DLC1: variants seen among roughly 807,000 people sequenced by gnomAD.
DLC1 encodes the protein rho GTPase-activating protein 7.
DLC1 carries 54 observed loss-of-function variants against 140.3 expected under a neutral mutation model. The ratio of observed to expected loss-of-function variants is 0.38; its 90% CI spans 0.31 to 0.48. The LOEUF (loss-of-function observed/expected upper bound fraction) is 0.48. Ranked by LOEUF, DLC1 falls within the 20% of genes least tolerant of loss-of-function variation. The pLI is 0.96. For missense variants in DLC1, 2,536 were observed against 1,907.0 expected (o/e 1.33, Z -6.14); for synonymous variants, 986 against 728.1 (o/e 1.35, Z -5.70).
chr8:13,478,307 G>C (rs1481697), intron 2 of DLC1, among the ~76,000 whole-genome samples: 110,622 of 151,942 alleles, frequency 0.73, 42,197 homozygotes, highest in Middle Eastern at 0.87. Context: ...TCAGAACTCA[G>C]AAGAACTCAC....
At chr8:13,468,175 A>G (rs974455334) in intron 2 of DLC1, among the ~76,000 whole-genome samples, 3 of 152,220 alleles carry the variant, frequency 2.0e-5, no homozygotes. Flanking sequence ...CCTCAATTCC[A>G]TTTAGCTAAG....
intron 5 of DLC1, among the ~76,000 whole-genome samples, chr8:13,166,193 G>T (rs138989599): frequency 6.6e-6 from 1 of 152,214 alleles, no homozygotes; most frequent in African/African-American, 2.4e-5. Flanking sequence ...CCCTAATGCT[G>T]ATGATTTCCA....
intron 2 of DLC1, among the ~76,000 whole-genome samples, chr8:13,433,891 T>C (rs1198950779): frequency 2.0e-5 from 3 of 152,224 alleles, no homozygotes. Context: ...GTTTCACTCT[T>C]GTTGCCCAGG....
intron 2 of DLC1, among the ~76,000 whole-genome samples, chr8:13,488,474 G>A (rs1192094352): frequency 1.3e-5 from 2 of 152,092 alleles, no homozygotes; most frequent in Admixed American, 6.5e-5. Context: ...CTGAAATTAC[G>A]TAGCTAAAAA....
Position 13,194,589 on chromosome 8 carries a change from C to T in DLC1, c.1349-78932G>A, listed in dbSNP as rs571341186. Among the ~76,000 whole-genome samples, 3 of 152,254 alleles carry T rather than the reference C, an allele frequency of 2.0e-5. No homozygotes were observed. The East Asian group carries it at 5.8e-4, about 29-fold the overall frequency. On this transcript the variant is annotated intron_variant, in intron 5 of 17. Coordinates refer to ENST00000276297, the MANE Select transcript of DLC1 (RefSeq NM_182643.3). ...TTTGGAAGAAAGCCACGGGCAGAGG[C>T]CAGCATTACTGGCAAAAGCACAAGG...
At chr8:13,307,484 T>A (rs1773194927) in intron 4 of DLC1, among the ~76,000 whole-genome samples, 1 of 152,218 alleles carries the variant, frequency 6.6e-6, no homozygotes. Context: ...TAAAACATAT[T>A]TAAAAATAGA....
chr8:13,337,809 A>T (rs1297974119), intron 4 of DLC1, among the ~76,000 whole-genome samples: 5 of 152,200 alleles, frequency 3.3e-5, no homozygotes, highest in Admixed American at 3.3e-4. Context: ...GTATAATACC[A>T]TATTAACTAA....
At chr8:13,221,909 T>C (rs1161221317) in intron 5 of DLC1, among the ~76,000 whole-genome samples, 1 of 135,562 alleles carries the variant, frequency 7.4e-6, no homozygotes, top group Non-Finnish European at 1.5e-5. Flanking sequence ...TTAAAATATA[T>C]ATTAGTATAT....
At chr8:13,419,483 T>C (rs1314090666) in intron 2 of DLC1, among the ~76,000 whole-genome samples, 1 of 152,234 alleles carries the variant, frequency 6.6e-6, no homozygotes, top group Non-Finnish European at 1.5e-5. Flanking sequence ...ATGTGGTTTT[T>C]GTCTTTGTTT....
intron 1 of DLC1, among the ~76,000 whole-genome samples, chr8:13,503,596 T>C (rs562663823): frequency 6.6e-6 from 1 of 152,332 alleles, no homozygotes; most frequent in Admixed American, 6.5e-5. Flanking sequence ...TTACTACTGC[T>C]GATTCTACAG....
intron 2 of DLC1, among the ~76,000 whole-genome samples, chr8:13,452,423 C>G (rs1799108367): frequency 6.6e-6 from 1 of 152,008 alleles, no homozygotes; most frequent in Non-Finnish European, 1.5e-5. Flanking sequence ...GAAACAATTT[C>G]TACTTTACAT....
chr8:13,167,837 G>A (rs1339045437), intron 5 of DLC1, among the ~76,000 whole-genome samples: 1 of 152,126 alleles, frequency 6.6e-6, no homozygotes, highest in African/African-American at 2.4e-5. Context: ...ACTCACATTT[G>A]TTATTTTATT....
At chr8:13,454,489 A>G (rs1799301389) in intron 2 of DLC1, among the ~76,000 whole-genome samples, 1 of 152,214 alleles carries the variant, frequency 6.6e-6, no homozygotes, top group South Asian at 2.1e-4. Flanking sequence ...AGAAAGAAGG[A>G]GTTAGACTTG....
chr8:13,108,830 A>T (rs1214640830), intron 7 of DLC1, among the ~76,000 whole-genome samples: 4 of 152,214 alleles, frequency 2.6e-5, no homozygotes, highest in Non-Finnish European at 5.9e-5. Flanking sequence ...CATTAAAAAA[A>T]TGTCTGGAGT....
At chr8:13,339,131 T>C (rs1833928388) in intron 4 of DLC1, among the ~76,000 whole-genome samples, 1 of 152,320 alleles carries the variant, frequency 6.6e-6, no homozygotes, top group Middle Eastern at 3.4e-3. Flanking sequence ...CCTTGTCAAA[T>C]AGGAATTATG....
chr8:13,106,967 G>A (rs1819616311), intron 7 of DLC1, among the ~76,000 whole-genome samples: 1 of 152,198 alleles, frequency 6.6e-6, no homozygotes, highest in Non-Finnish European at 1.5e-5. Context: ...ACGTGCACAT[G>A]CTTCAAGACA....
chr8:13,485,332 A>C (rs772543631), intron 2 of DLC1, among the ~76,000 whole-genome samples: 21 of 152,212 alleles, frequency 1.4e-4, no homozygotes, highest in Non-Finnish European at 2.9e-4. Context: ...GCTTAAAATG[A>C]CTTCAATATA....
chr8:13,107,958 T>C (rs113774700), intron 7 of DLC1, among the ~76,000 whole-genome samples: 3 of 152,104 alleles, frequency 2.0e-5, no homozygotes, highest in South Asian at 4.2e-4. Context: ...AGGCAGAGAA[T>C]TGCTTGAACC....
chr8:13,597,831 A>C (rs897032207), intron 1 of DLC1, among the ~76,000 whole-genome samples: 3 of 152,108 alleles, frequency 2.0e-5, no homozygotes, highest in Admixed American at 6.6e-5. Context: ...TTATAGAAAC[A>C]TGCTGATCTA....
Sources: allele counts gnomAD v4.1 joint callset (sites outside exome capture counted in the v4.1 genomes callset), GRCh38; gene constraint gnomAD v4.1.1; transcripts MANE v1.5; gene names NCBI Gene and HGNC (gene_info 2026-07-23, HGNC 2026-07-21).